NSL1: variants seen among roughly 807,000 people sequenced by gnomAD.
NSL1 encodes kinetochore-associated protein NSL1 homolog.
NSL1 carries 11 observed loss-of-function variants against 25.4 expected under a neutral mutation model. The ratio of observed to expected loss-of-function variants is 0.43; its 90% CI spans 0.27 to 0.72. NSL1 has a LOEUF of 0.72. Among genes scored for constraint, NSL1 ranks in the 30% least tolerant of loss-of-function variants. The pLI, the probability that NSL1 is intolerant of heterozygous loss-of-function variation, is 0.19. For missense variants in NSL1, 330 were observed against 342.7 expected, an observed-to-expected ratio of 0.96 and a Z score of 0.29; for synonymous variants, 118 against 120.6, an observed-to-expected ratio of 0.98 and a Z score of 0.14.
At position 212,763,944 on chromosome 1, in the gene NSL1, C is replaced by T. The variant is rs148715816; in HGVS notation, c.499+18428G>A. On this transcript the variant is annotated intron_variant, in intron 4 of 5. Coordinates refer to ENST00000366977, the MANE Select transcript of NSL1 (RefSeq NM_015471.4). ...AACAAATGAACTTAACAGGTGTTTA[C>T]ACAACATTCTTCCCAACAACTGCAG... 8.5e-3 allele frequency: 3,060 copies of T among 361,780 alleles called. 25 individuals are homozygous for T. The highest frequency in any genetic ancestry group is 0.036 in the Middle Eastern group (97 of 2,726). The allele number at this position is 361,780 out of a possible 1,614,324, so 22.4% of individuals were successfully genotyped here.
intron 4 of NSL1, among the ~76,000 whole-genome samples, chr1:212,754,531 C>T (rs1466761079): frequency 6.6e-6 from 1 of 151,976 alleles, no homozygotes; most frequent in Non-Finnish European, 1.5e-5. Context: ...AATCCCAGCA[C>T]TTAAGGAGGC....
rs1372042355 is a variant in NSL1, at chr1:212,728,998, T to C, written c.*9410A>G. On this transcript the variant is annotated 3_prime_UTR_variant, in exon 6 of 6. Coordinates refer to ENST00000366977, the MANE Select transcript of NSL1 (RefSeq NM_015471.4). ...GAGTAATTTTAGTAAGGAGGATTTCTAAAGAAGCAGTCATTTGTCAATCTG... is the reference window on the plus strand; with the variant it reads ...GAGTAATTTTAGTAAGGAGGATTTCCAAAGAAGCAGTCATTTGTCAATCTG... 1 of 985,272 alleles carries C rather than the reference T, an allele frequency of 1.0e-6. No individual in the cohort carries two copies. Among genetic ancestry groups the C allele is most frequent in the Non-Finnish European group, 1.2e-6 (1 of 829,890 alleles). 61.0% of individuals were successfully genotyped at this position (985,272 alleles called of 1,614,324 possible). A position where few individuals can be genotyped will look rare whatever the true frequency, so the allele number is the denominator to read the frequency against.
intron 1 of NSL1, among the ~76,000 whole-genome samples, chr1:212,788,228 C>A (rs1264674895): frequency 6.6e-6 from 1 of 152,180 alleles, no homozygotes; most frequent in Non-Finnish European, 1.5e-5. Flanking sequence ...CTAGGCAACA[C>A]ACTGAGACAA....
In NSL1 at chr1:212,726,870, C is replaced by T. The variant is rs561812591; in HGVS notation, c.*11538G>A. Reference sequence around the variant, plus strand: ...TTCTGTGCAACAACAGAGCCGAGCCCGGTCCCAGGGGCTGGATGGTGTCCC... The same window carrying T: ...TTCTGTGCAACAACAGAGCCGAGCCTGGTCCCAGGGGCTGGATGGTGTCCC... On this transcript the variant is annotated 3_prime_UTR_variant, in exon 6 of 6. Coordinates refer to ENST00000366977, the MANE Select transcript of NSL1 (RefSeq NM_015471.4). The T allele has an allele frequency of 2.2e-5, 8 of 368,976 alleles. No homozygotes were observed. Among genetic ancestry groups the T allele is most frequent in the Non-Finnish European group, 3.9e-5 (8 of 206,188 alleles). 22.9% of individuals were successfully genotyped at this position (368,976 alleles called of 1,614,324 possible). A position where few individuals can be genotyped will look rare whatever the true frequency, so the allele number is the denominator to read the frequency against.
intron 2 of NSL1, among the ~76,000 whole-genome samples, chr1:212,787,085 C>A (rs1571925989): frequency 6.6e-6 from 1 of 152,050 alleles, no homozygotes; most frequent in Admixed American, 6.5e-5. Flanking sequence ...ATCACTTTAA[C>A]CTGGGAGACA....
chr1:212,750,528 A>G (rs1465450363), intron 4 of NSL1, among the ~76,000 whole-genome samples: 1 of 152,198 alleles, frequency 6.6e-6, no homozygotes, highest in African/African-American at 2.4e-5. Flanking sequence ...GAAGGTTCCC[A>G]GAGAAGTATC....
At position 212,730,585 on chromosome 1, in the gene NSL1, A is replaced by T; in HGVS notation, c.*7823T>A. The T allele has an allele frequency of 1.0e-6, 1 of 985,432 alleles. No individual in the cohort carries two copies. The highest frequency in any genetic ancestry group is 1.2e-6 in the Non-Finnish European group (1 of 829,916). 61.0% of individuals were successfully genotyped at this position (985,432 alleles called of 1,614,324 possible). ...AGGGAGAAGTTGAATTTTCTTCTCT[A>T]GCTATCCCAGGCCACCCAGAAGTCA... On this transcript the variant is annotated 3_prime_UTR_variant, in exon 6 of 6. Transcript: ENST00000366977.
At chr1:212,779,574 A>G (rs1409010034) in intron 4 of NSL1, among the ~76,000 whole-genome samples, 15 of 42,874 alleles carry the variant, frequency 3.5e-4, no homozygotes, top group Admixed American at 1.3e-3. Flanking sequence ...TCAGCCCCCC[A>G]CCCGGCCAGC....
rs776899284 is a variant in NSL1 at position 212,728,768 on chromosome 1, C to T, written c.*9640G>A. On this transcript the variant is annotated 3_prime_UTR_variant, in exon 6 of 6. Coordinates refer to ENST00000366977, the MANE Select transcript of NSL1 (RefSeq NM_015471.4). ...CACCGTCCCCTTTGTTGCCACATCT[C>T]GCAGCTTCTCCCTTCTGTTTTTCCT... 68 of 985,262 alleles carry T rather than the reference C, an allele frequency of 6.9e-5. No homozygotes were observed. Among genetic ancestry groups the T allele is most frequent in the Non-Finnish European group, 8.1e-5 (67 of 829,932 alleles). 61.0% of individuals were successfully genotyped at this position (985,262 alleles called of 1,614,324 possible). A position where few individuals can be genotyped will look rare whatever the true frequency, so the allele number is the denominator to read the frequency against.
intron 4 of NSL1, chr1:212,766,311 A>G (rs1483519975): frequency 1.7e-6 from 1 of 589,864 alleles, no homozygotes; most frequent in Non-Finnish European, 3.0e-6. Flanking sequence ...CACCACTTCT[A>G]TTCAACATAG....
In NSL1 at chr1:212,791,702, C is replaced by G. The variant is rs1191586977; in HGVS notation, c.62G>C (p.Gly21Ala). Residue 21 changes from glycine (G) to alanine (A), a missense_variant, in exon 1 of 6, where the codon GGC becomes GCC. By Grantham distance (60) the Gly-to-Ala change is moderately conservative. Coordinates refer to ENST00000366977, the MANE Select transcript of NSL1 (RefSeq NM_015471.4). ...GGAGACCAAGGCCTGGCTCTCTGTG[C>G]CAGCCGCGAGCTCCTTGTCCCATGG... ...DPPWDKELAA[G>A]TESQALVSAT... 3 of 1,613,958 alleles carry G rather than the reference C, an allele frequency of 1.9e-6. No homozygotes were observed. The highest frequency in any genetic ancestry group is 2.5e-6 in the Non-Finnish European group (3 of 1,179,996).
At chr1:212,758,956 T>C (rs953208934) in intron 4 of NSL1, among the ~76,000 whole-genome samples, 1 of 152,192 alleles carries the variant, frequency 6.6e-6, no homozygotes, top group African/African-American at 2.4e-5. Context: ...TGAAACAGAA[T>C]TGAGAGTTCA....
rs528313868 is a variant in NSL1, at chr1:212,728,138, T to C, written c.*10270A>G. ...GTAATAGCCCTTAATTCATGGATTG[T>C]CTTGAGGATTAAAAGAGATGGTGCA... On this transcript the variant is annotated 3_prime_UTR_variant, in exon 6 of 6. Transcript: ENST00000366977. 2.1e-6 allele frequency: 2 copies of C among 958,508 alleles called. No individual in the cohort carries two copies. The highest frequency in any genetic ancestry group is 4.8e-5 in the South Asian group (1 of 20,702). The allele number at this position is 958,508 out of a possible 1,614,324, so 59.4% of individuals were successfully genotyped here.
Position 212,731,748 on chromosome 1 carries a change from T to C in NSL1, c.*6660A>G. ...ACTTCCAGTTGTGGTGGGTGAAGATTTCACTCCCCACTGCCATGTCAAAGC... is the reference window on the plus strand; with the variant it reads ...ACTTCCAGTTGTGGTGGGTGAAGATCTCACTCCCCACTGCCATGTCAAAGC... On this transcript the variant is annotated 3_prime_UTR_variant, in exon 6 of 6. Transcript: ENST00000366977. 2.0e-6 allele frequency: 2 copies of C among 985,376 alleles called. No homozygotes were observed. The highest frequency in any genetic ancestry group is 2.4e-6 in the Non-Finnish European group (2 of 829,906). 61.0% of individuals were successfully genotyped at this position (985,376 alleles called of 1,614,324 possible).
At chr1:212,761,012 G>A (rs1659537733) in intron 4 of NSL1, among the ~76,000 whole-genome samples, 1 of 152,182 alleles carries the variant, frequency 6.6e-6, no homozygotes, top group Admixed American at 6.5e-5. Flanking sequence ...AAGAAATCAT[G>A]CAGAGACTAT....
chr1:212,746,922 G>A (rs967602903), intron 4 of NSL1, among the ~76,000 whole-genome samples: 10 of 152,124 alleles, frequency 6.6e-5, no homozygotes, highest in African/African-American at 2.4e-4. Flanking sequence ...GAGGTGGGTG[G>A]ATCACTTGAG....
At chr1:212,779,316 C>T (rs1660561424) in intron 4 of NSL1, among the ~76,000 whole-genome samples, 1 of 144,334 alleles carries the variant, frequency 6.9e-6, no homozygotes, top group Admixed American at 6.7e-5. Flanking sequence ...CCAGCCGCCC[C>T]GTCCGGGAGG....
chr1:212,766,246 G>A (rs1023168461), intron 4 of NSL1: 34 of 648,074 alleles, frequency 5.2e-5, no homozygotes, highest in South Asian at 8.4e-5. Flanking sequence ...GTTGAATGGG[G>A]AAAAGTTGAA....
intron 4 of NSL1, among the ~76,000 whole-genome samples, chr1:212,773,956 A>G (rs1012960570): frequency 6.6e-6 from 1 of 152,056 alleles, no homozygotes; most frequent in African/African-American, 2.4e-5. Flanking sequence ...AAAAAAAAAA[A>G]TCTCATGTTC....
Sources: allele counts gnomAD v4.1 joint callset (sites outside exome capture counted in the v4.1 genomes callset), GRCh38; gene constraint gnomAD v4.1.1; transcripts MANE v1.5; gene names NCBI Gene and HGNC (gene_info 2026-07-23, HGNC 2026-07-21).